Variants in GPHN observed in about 807,000 individuals in gnomAD.
GPHN encodes the protein gephyrin.
GPHN carries 17 observed loss-of-function variants against 95.5 expected under a neutral mutation model. The ratio of observed to expected loss-of-function variants is 0.18; its 90% CI spans 0.12 to 0.27. The LOEUF (loss-of-function observed/expected upper bound fraction) is 0.27, where lower values mean the gene tolerates loss of function less well. Among genes scored for constraint, GPHN ranks in the 10% least tolerant of loss-of-function variants. The pLI, the probability that GPHN is intolerant of heterozygous loss-of-function variation, is 1.00. For missense variants in GPHN, 660 were observed against 978.1 expected (o/e 0.67, Z 4.34); for synonymous variants, 320 against 322.5 (o/e 0.99, Z 0.08).
chr14:66,683,401 T>TATATGTAC (rs1555379576), intron 2 of GPHN, among the ~76,000 whole-genome samples: 35 of 98,524 alleles, frequency 3.6e-4, no homozygotes, highest in East Asian at 7.5e-4. Flanking sequence ...TATGTTCATA[T>TATATGTAC]ATATATATGT....
intron 1 of GPHN, among the ~76,000 whole-genome samples, chr14:66,643,987 C>A (rs978553321): frequency 3.2e-4 from 48 of 151,926 alleles, no homozygotes; most frequent in African/African-American, 1.0e-3. Flanking sequence ...AGACAGCCAA[C>A]TGAGCCAGCT....
the GPHN span, chr14:67,364,618 C>A: frequency 1.4e-6 from 1 of 720,798 alleles, no homozygotes; most frequent in Non-Finnish European, 2.1e-6. Context: ...TTTCTGGTAC[C>A]ACTTAAGAAG....
At chr14:66,958,378 T>C (rs1215730998) in intron 8 of GPHN, among the ~76,000 whole-genome samples, 3 of 152,212 alleles carry the variant, frequency 2.0e-5, no homozygotes, top group African/African-American at 7.2e-5. Context: ...TCTTTGGATC[T>C]AATTTGAATC....
chr14:66,723,588 A>C (rs1267001272), intron 2 of GPHN, among the ~76,000 whole-genome samples: 2 of 152,130 alleles, frequency 1.3e-5, no homozygotes, highest in Admixed American at 1.3e-4. Flanking sequence ...TTGCCTTTTT[A>C]AAGTGTATAC....
At chr14:67,678,382 T>C in the GPHN span, 1 of 1,614,062 alleles carries the variant, frequency 6.2e-7, no homozygotes, top group African/African-American at 1.3e-5. Flanking sequence ...TGCTATAGTC[T>C]CATTACGAGC....
At chr14:66,934,283 A>G (rs78026884) in intron 8 of GPHN, among the ~76,000 whole-genome samples, 6,624 of 152,292 alleles carry the variant, frequency 0.043, 190 homozygotes, top group Middle Eastern at 0.068. Flanking sequence ...GTAGTTACTA[A>G]TGAGCTCATT....
chr14:67,223,947 C>G, the GPHN span: 1 of 984,846 alleles, frequency 1.0e-6, no homozygotes, highest in East Asian at 1.1e-4. Flanking sequence ...AAAATGAGTC[C>G]GTAATTCTAA....
the GPHN span, chr14:67,685,207 G>T: frequency 6.2e-7 from 1 of 1,608,356 alleles, no homozygotes. Flanking sequence ...GCCAGAGCCT[G>T]GTTGGGGGTG....
chr14:67,443,579 A>G, the GPHN span, among the ~76,000 whole-genome samples: 1 of 143,200 alleles, frequency 7.0e-6, no homozygotes, highest in African/African-American at 2.5e-5. Context: ...GACATTTAGG[A>G]AAAAAAAAAA....
At chr14:66,815,314 A>G (rs1183591062) in intron 3 of GPHN, among the ~76,000 whole-genome samples, 1 of 152,198 alleles carries the variant, frequency 6.6e-6, no homozygotes, top group Non-Finnish European at 1.5e-5. Flanking sequence ...GGAAATGCAG[A>G]GAACTCTAAT....
chr14:67,200,116 C>A, the GPHN span: 1 of 1,052,332 alleles, frequency 9.5e-7, no homozygotes, highest in Non-Finnish European at 1.4e-6. Context: ...GGGCATGCCC[C>A]CCCGAAGGCC....
intron 9 of GPHN, among the ~76,000 whole-genome samples, chr14:66,993,486 A>T (rs2071572107): frequency 6.6e-6 from 1 of 152,164 alleles, no homozygotes; most frequent in Non-Finnish European, 1.5e-5. Context: ...TAACAAAGAT[A>T]TTTCCCCTGA....
At chr14:67,284,237 G>GTTA in the GPHN span, among the ~76,000 whole-genome samples, 1 of 151,710 alleles carries the variant, frequency 6.6e-6, no homozygotes, top group Non-Finnish European at 1.5e-5. Flanking sequence ...ACTTTATTAA[G>GTTA]GTATAATTCA....
intron 4 of GPHN, among the ~76,000 whole-genome samples, chr14:66,866,217 T>C (rs1211556438): frequency 1.3e-5 from 2 of 152,192 alleles, no homozygotes; most frequent in Non-Finnish European, 2.9e-5. Flanking sequence ...TGAACTTTTT[T>C]CCTCCATATC....
At chr14:67,454,211 T>TG in the GPHN span, 3,968 of 152,374 alleles carry the variant, frequency 0.026, 72 homozygotes, top group Non-Finnish European at 0.037. Flanking sequence ...AATGGCTTAA[T>TG]GCTTACAAGG....
At chr14:67,285,815 C>T in the GPHN span, among the ~76,000 whole-genome samples, 614 of 152,104 alleles carry the variant, frequency 4.0e-3, 17 homozygotes, top group East Asian at 0.059. Context: ...CATTCTTTTA[C>T]GTTTTAGACT....
At chr14:66,919,914 A>T (rs1215386820) in intron 6 of GPHN, among the ~76,000 whole-genome samples, 1 of 152,126 alleles carries the variant, frequency 6.6e-6, no homozygotes, top group Non-Finnish European at 1.5e-5. Context: ...AAAATAAAAA[A>T]AAACTAGCCA....
intron 10 of GPHN, among the ~76,000 whole-genome samples, chr14:67,057,871 A>C (rs544331579): frequency 1.3e-5 from 2 of 152,358 alleles, no homozygotes; most frequent in East Asian, 1.9e-4. Flanking sequence ...CTGATCATCA[A>C]ACTTGCTGTT....
the GPHN span, among the ~76,000 whole-genome samples, chr14:67,354,877 G>A: frequency 6.6e-6 from 1 of 152,130 alleles, no homozygotes; most frequent in East Asian, 1.9e-4. Context: ...GCAATGGCGC[G>A]ATCTCGGCTC....
Sources: allele counts gnomAD v4.1 joint callset (sites outside exome capture counted in the v4.1 genomes callset), GRCh38; gene constraint gnomAD v4.1.1; transcripts MANE v1.5; gene names NCBI Gene and HGNC (gene_info 2026-07-23, HGNC 2026-07-21).